Variants in TMEM214 observed in about 807,000 individuals in gnomAD.
The protein encoded by TMEM214 is transmembrane protein 214.
In TMEM214, 71 loss-of-function variants were observed where a neutral mutation model predicts 89.8. That is an observed-to-expected ratio of 0.79 (90% CI 0.65 to 0.96). The LOEUF is 0.96. Among genes scored for constraint, TMEM214 ranks in the 40% least tolerant of loss-of-function variants. The probability of loss-of-function intolerance (pLI) is 0.00; values close to 1 mark genes in which losing one functional copy is unlikely to be tolerated. For synonymous variants in TMEM214, 332 were observed against 349.5 expected, an observed-to-expected ratio of 0.95 and a Z score of 0.56; for missense variants, 754 against 843.4, an observed-to-expected ratio of 0.89 and a Z score of 1.31.
rs569656195 is a variant in TMEM214 at position 27,039,088 on chromosome 2, G to A, written c.1449G>A (p.Thr483=). ...QQVQGPRLPW[T]RLLLLLLVFA... ...TTCAGGGTCCTCGGCTGCCCTGGAC[G>A]CGGCTCCTCCTGTTGCTGCTGGTCT... is the stretch of plus-strand genomic sequence containing the variant. The change falls in exon 13 of 17, where the codon ACG becomes ACA. Residue 483 remains threonine, a synonymous_variant. Transcript: ENST00000238788. 49 of 1,613,718 alleles carry A rather than the reference G, an allele frequency of 3.0e-5. No individual in the cohort carries two copies. The East Asian group carries it at 7.6e-4, about 25-fold the overall frequency.
chr2:27,034,881 G>C (rs917202199), intron 2 of TMEM214, among the ~76,000 whole-genome samples: 3 of 152,158 alleles, frequency 2.0e-5, no homozygotes, highest in Non-Finnish European at 2.9e-5. Context: ...ACCGCGCCTG[G>C]CCCTCTGTTT....
At position 27,036,476 on chromosome 2, in the gene TMEM214, G is replaced by A. The variant is rs762427259; in HGVS notation, c.721-11G>A. ...CCTATCCCAATCTGCCTTCCCCACC[G>A]GTCTCCTCAGTTCCTGGAACTGCTG... On this transcript the variant is annotated splice_polypyrimidine_tract_variant and intron_variant, in intron 5 of 16. Coordinates refer to ENST00000238788, the MANE Select transcript of TMEM214 (RefSeq NM_017727.5). 8.1e-6 allele frequency: 13 copies of A among 1,610,888 alleles called. No homozygotes were observed. The highest frequency in any genetic ancestry group is 3.3e-5 in the South Asian group (3 of 91,022).
chr2:27,039,885 C>G, intron 14 of TMEM214, 48 bp downstream of exon 14: 2 of 1,504,136 alleles, frequency 1.3e-6, no homozygotes. Context: ...GAGAGAAGGC[C>G]TGGGTGTCAG....
In TMEM214 at chr2:27,039,240, C is replaced by G. The variant is rs1467532654; in HGVS notation, c.1525+76C>G. ...TACACGTAGCACCACCACCCCGCCC[C>G]CAGCAGCACACATCTTTGTCCTGAC... On this transcript the variant is annotated intron_variant, in intron 13 of 16. Coordinates refer to ENST00000238788, the MANE Select transcript of TMEM214 (RefSeq NM_017727.5). 2.5e-6 allele frequency: 3 copies of G among 1,219,898 alleles called. No homozygotes were observed. In the Admixed American group the frequency reaches 5.6e-5, roughly 23 times the overall value. The allele number at this position is 1,219,898 out of a possible 1,614,324, so 75.6% of individuals were successfully genotyped here. A position where few individuals can be genotyped will look rare whatever the true frequency, so the allele number is the denominator to read the frequency against.
intron 8 of TMEM214, 85 bp from the exon 9 acceptor site, chr2:27,037,476 G>T: frequency 6.5e-7 from 1 of 1,544,292 alleles, no homozygotes; most frequent in East Asian, 2.3e-5. Context: ...CCACAGGCAG[G>T]CATGGGCTCT....
chr2:27,040,892 C>A lies in TMEM214; in HGVS notation c.*55C>A. On this transcript the variant is annotated 3_prime_UTR_variant, in exon 17 of 17. Transcript: ENST00000238788. Reference sequence around the variant, plus strand: ...ATGGGTAGACCATCCAAGACTGCAGCGGGTAGAAGGTGGCAGTTCTTCATG... The same window carrying A: ...ATGGGTAGACCATCCAAGACTGCAGAGGGTAGAAGGTGGCAGTTCTTCATG... 1 of 1,589,752 alleles carries A rather than the reference C, an allele frequency of 6.3e-7. No homozygotes were observed. Among genetic ancestry groups the A allele is most frequent in the East Asian group, 2.3e-5 (1 of 44,224 alleles).
chr2:27,036,716 A>C lies in TMEM214; in HGVS notation c.838A>C (p.Ile280Leu). 11 of 1,614,126 alleles carry C rather than the reference A, an allele frequency of 6.8e-6. No individual in the cohort carries two copies. The highest frequency in any genetic ancestry group is 9.3e-6 in the Non-Finnish European group (11 of 1,180,016). Residue 280 changes from isoleucine (I) to leucine (L), a missense_variant, in exon 7 of 17, where the codon ATC becomes CTC. Physicochemically the swap from Ile to Leu is conservative, Grantham distance 5 (BLOSUM62 2). Transcript: ENST00000238788. ...TTTTACCCCTGCAGTGTGGCTGGGG[A>C]TCATGCTGCCTGTGCTGGGCATCAA... Reference protein sequence around the residue: ...LTEGLKVWLGIMLPVLGIKSL... With the variant: ...LTEGLKVWLGLMLPVLGIKSL...
In TMEM214 at chr2:27,040,591, C is replaced by G. The variant is rs542227249; in HGVS notation, c.1943+95C>G. The G allele has an allele frequency of 1.3e-5, 20 of 1,582,458 alleles. No individual in the cohort carries two copies. In the East Asian group the frequency reaches 2.9e-4, roughly 23 times the overall value. On this transcript the variant is annotated intron_variant, in intron 16 of 16. Transcript: ENST00000238788. ...TCTCTATCCAGTCTCCCACACTGTC[C>G]TGCCCCTCGCTCCCATTCCTGGCCA...
At chr2:27,037,775 G>T (rs1667631951) in intron 9 of TMEM214, 73 bp downstream of exon 9, 1 of 1,613,660 alleles carries the variant, frequency 6.2e-7, no homozygotes, top group Non-Finnish European at 8.5e-7. Context: ...GCTGACAAAG[G>T]CCTTGCCTTC....
In TMEM214 at chr2:27,038,073, A is replaced by G; in HGVS notation, c.1153-73A>G. ...GGATGGCCTTGCTTACGGGAAGGGG[A>G]TCACCTCTTAGCACTCCCCGCCTCT... On this transcript the variant is annotated intron_variant, in intron 9 of 16. Coordinates refer to ENST00000238788, the MANE Select transcript of TMEM214 (RefSeq NM_017727.5). This position sits in a 1 kb window ranked among gnomAD's most constrained non-coding sequence, Gnocchi z 4.4. 1 of 1,612,328 alleles carries G rather than the reference A, an allele frequency of 6.2e-7. No homozygotes were observed. The highest frequency in any genetic ancestry group is 8.5e-7 in the Non-Finnish European group (1 of 1,179,734).
chr2:27,034,441 G>A (rs1340353058), intron 2 of TMEM214, 175 bp downstream of exon 2: 2 of 697,040 alleles, frequency 2.9e-6, no homozygotes, highest in Non-Finnish European at 4.7e-6. Context: ...CCTGCACTTA[G>A]AATAGAAAGG....
In TMEM214 at chr2:27,040,865, G is replaced by A. The variant is rs199674846; in HGVS notation, c.*28G>A. ...CCTGCCTTCCTGGCCACTGATTTCTGCATGGGTAGACCATCCAAGACTGCA... is the reference window on the plus strand; with the variant it reads ...CCTGCCTTCCTGGCCACTGATTTCTACATGGGTAGACCATCCAAGACTGCA... On this transcript the variant is annotated 3_prime_UTR_variant, in exon 17 of 17. Transcript: ENST00000238788. 6.2e-7 allele frequency: 1 copy of A among 1,609,142 alleles called. No homozygotes were observed. The highest frequency in any genetic ancestry group is 8.5e-7 in the Non-Finnish European group (1 of 1,175,988).
chr2:27,036,643 C>T (rs774825148), intron 6 of TMEM214, 51 bp downstream of exon 6: 4 of 1,613,094 alleles, frequency 2.5e-6, no homozygotes, highest in Non-Finnish European at 3.4e-6. Flanking sequence ...CTGGAAAACT[C>T]CTCTTTGATG....
At chr2:27,034,300 TG>T in intron 2 of TMEM214, 34 bp downstream of exon 2, 3 of 1,606,992 alleles carry the variant, frequency 1.9e-6, no homozygotes, top group Non-Finnish European at 2.5e-6. Flanking sequence ...GCAGAAAGAA[TG>T]GGGGCTTGAG....
At chr2:27,033,785 C>T (rs567664633) in intron 1 of TMEM214, among the ~76,000 whole-genome samples, 3 of 152,206 alleles carry the variant, frequency 2.0e-5, no homozygotes, top group South Asian at 2.1e-4. Flanking sequence ...ATAAGGCAAA[C>T]CTCTATATCC....
intron 13 of TMEM214, 108 bp from the exon 14 acceptor site, chr2:27,039,633 A>C: frequency 1.0e-6 from 1 of 987,354 alleles, no homozygotes; most frequent in East Asian, 2.4e-5. Context: ...GTGAGAACAC[A>C]AAGCTCTGCC....
Position 27,040,441 on chromosome 2 carries a change from C to T in TMEM214, c.1888C>T (p.His630Tyr), listed in dbSNP as rs772340622. 1 of 1,614,200 alleles carries T rather than the reference C, an allele frequency of 6.2e-7. No individual in the cohort carries two copies. The highest frequency in any genetic ancestry group is 8.5e-7 in the Non-Finnish European group (1 of 1,180,042). Reference sequence around the variant, plus strand: ...CCAGAATGTGCTGCTGCCACTGTGGCACCTCTTGCTTGAGGCCCTGGCCTG... The same window carrying T: ...CCAGAATGTGCTGCTGCCACTGTGGTACCTCTTGCTTGAGGCCCTGGCCTG... ...FHQNVLLPLW[H>Y]LLLEALAWAQ... The change falls in exon 16 of 17, where the codon CAC becomes TAC. Residue 630 changes from histidine (H) to tyrosine (Y), a missense_variant. By Grantham distance (83) the His-to-Tyr change is moderately conservative. Coordinates refer to ENST00000238788, the MANE Select transcript of TMEM214 (RefSeq NM_017727.5).
At chr2:27,040,293 C>G in intron 15 of TMEM214, 52 bp from the exon 16 acceptor site, 1 of 1,610,222 alleles carries the variant, frequency 6.2e-7, no homozygotes, top group Non-Finnish European at 8.5e-7. Context: ...GTCTTTAGGG[C>G]CAGGATGCAG....
chr2:27,040,922 T>C lies in TMEM214; in HGVS notation c.*85T>C, dbSNP rs1167134959. The C allele has an allele frequency of 1.3e-6, 2 of 1,539,808 alleles. No individual in the cohort carries two copies. The highest frequency in any genetic ancestry group is 8.8e-7 in the Non-Finnish European group (1 of 1,132,674). On this transcript the variant is annotated 3_prime_UTR_variant, in exon 17 of 17. Coordinates refer to ENST00000238788, the MANE Select transcript of TMEM214 (RefSeq NM_017727.5). The stretch of plus-strand genomic sequence containing the variant: ...AGAAGGTGGCAGTTCTTCATGGGAG[T>C]CTTTTTAACTTGGTGCCTGAGTTCT...
Sources: allele counts gnomAD v4.1 joint callset (sites outside exome capture counted in the v4.1 genomes callset), GRCh38; gene constraint gnomAD v4.1.1; non-coding constraint Gnocchi (gnomAD v3.1); transcripts MANE v1.5; gene names NCBI Gene and HGNC (gene_info 2026-07-23, HGNC 2026-07-21).